Variants in SP3 observed in about 807,000 individuals in gnomAD.
The protein encoded by SP3 is Sp3 transcription factor, also known as transcription factor Sp3.
SP3 carries 10 observed loss-of-function variants against 70.3 expected under a neutral mutation model. The observed-to-expected ratio is 0.14, with a 90% CI of 0.09 to 0.24. The LOEUF (loss-of-function observed/expected upper bound fraction) is 0.24. SP3 is among the 10% of genes least tolerant of loss of function. The pLI is 1.00. For missense variants in SP3, 825 were observed against 914.6 expected (o/e 0.90, Z 1.26); for synonymous variants, 402 against 333.5 (o/e 1.21, Z -2.24).
chr2:173,943,865 T>C (rs1421033525), intron 4 of SP3, among the ~76,000 whole-genome samples: 1 of 152,252 alleles, frequency 6.6e-6, no homozygotes, highest in South Asian at 2.1e-4. Context: ...CAGTCTTTCT[T>C]ACACAAACCT....
chr2:173,944,332 G>C (rs189810694), intron 4 of SP3, among the ~76,000 whole-genome samples: 12 of 152,258 alleles, frequency 7.9e-5, no homozygotes, highest in Non-Finnish European at 1.5e-4. Flanking sequence ...TCAGGAGTTC[G>C]AGGCCACCCT....
intron 6 of SP3, 28 bp from the exon 7 acceptor site, chr2:173,910,285 G>GTT (rs758379337): frequency 6.2e-7 from 1 of 1,603,124 alleles, no homozygotes; most frequent in Admixed American, 1.7e-5. Context: ...AAGTTACTTG[G>GTT]TTTTAAAAAT....
At chr2:173,913,346 T>C in intron 5 of SP3, 80 bp from the exon 6 acceptor site, 1 of 1,048,202 alleles carries the variant, frequency 9.5e-7, no homozygotes. Context: ...TATATCCCCA[T>C]GTTGAATTTT....
intron 4 of SP3, among the ~76,000 whole-genome samples, chr2:173,944,610 CT>C (rs1489312793): frequency 2.0e-5 from 3 of 152,182 alleles, no homozygotes; most frequent in Non-Finnish European, 2.9e-5. Flanking sequence ...TAATAAAGTT[CT>C]TCTCTTGGAA....
chr2:173,942,066 C>T (rs1016972267), intron 4 of SP3, among the ~76,000 whole-genome samples: 4 of 152,156 alleles, frequency 2.6e-5, no homozygotes, highest in African/African-American at 4.8e-5. Flanking sequence ...ATATGATTTC[C>T]CAAGTTCTTC....
At chr2:173,932,827 C>A (rs962826277) in intron 4 of SP3, among the ~76,000 whole-genome samples, 1 of 152,018 alleles carries the variant, frequency 6.6e-6, no homozygotes, top group Non-Finnish European at 1.5e-5. Context: ...CCCGTCTCTA[C>A]TAAAAATACA....
chr2:173,955,343 G>A lies in SP3; in HGVS notation c.1169C>T (p.Thr390Ile), dbSNP rs761339716. The A allele has an allele frequency of 2.5e-6, 4 of 1,614,030 alleles. No individual in the cohort carries two copies. The highest frequency in any genetic ancestry group is 3.4e-6 in the Non-Finnish European group (4 of 1,180,006). Reference sequence around the variant, plus strand: ...TAGATGCTGTACAACAGGCTGTGCTGTAGAAACCTGAATATTCTGTGCCTG... The same window carrying A: ...TAGATGCTGTACAACAGGCTGTGCTATAGAAACCTGAATATTCTGTGCCTG... Reference protein sequence around the residue: ...ETQAQNIQVSTAQPVVQHLQL... With the variant: ...ETQAQNIQVSIAQPVVQHLQL... The change falls in exon 4 of 7, where the codon ACA (threonine) becomes ATA (isoleucine). Residue 390 changes from threonine (T) to isoleucine (I), a missense_variant. By Grantham distance (89) the Thr-to-Ile change is moderately conservative (BLOSUM62 -1). This residue lies in a region of SP3 where 678 missense variants were observed against 651.6 expected (regional missense o/e 1.04). Coordinates refer to ENST00000310015, the MANE Select transcript of SP3 (RefSeq NM_003111.5).
In SP3 at chr2:173,950,153, G is replaced by C. The variant is rs1212355522; in HGVS notation, c.1639+4720C>G. On this transcript the variant is annotated intron_variant, in intron 4 of 6. Transcript: ENST00000310015. ...GGCGCCTGATGTTTCCAGGAAGATG[G>C]AGATTTGCCTTCTAAAGGATAAGGA... is the stretch of plus-strand genomic sequence containing the variant. Among the ~76,000 whole-genome samples, 4 of 152,092 alleles carry C rather than the reference G, an allele frequency of 2.6e-5. No homozygotes were observed. The East Asian group carries it at 7.7e-4, about 29-fold the overall frequency.
chr2:173,942,858 GTTT>G (rs576944598), intron 4 of SP3, among the ~76,000 whole-genome samples: 1 of 151,962 alleles, frequency 6.6e-6, no homozygotes, highest in Non-Finnish European at 1.5e-5. Flanking sequence ...AATCAAAAAT[GTTT>G]TTTTAAAAAC....
intron 6 of SP3, 48 bp from the exon 7 acceptor site, chr2:173,910,305 A>G (rs759399900): frequency 3.3e-6 from 5 of 1,530,682 alleles, no homozygotes; most frequent in Non-Finnish European, 4.5e-6. Flanking sequence ...TTCAACTTTA[A>G]TAGCTCAATC....
At chr2:173,950,558 A>G (rs1690681769) in intron 4 of SP3, among the ~76,000 whole-genome samples, 1 of 151,820 alleles carries the variant, frequency 6.6e-6, no homozygotes, top group Admixed American at 6.6e-5. Context: ...GCTAGCCTGT[A>G]GTTCTACACA....
intron 4 of SP3, among the ~76,000 whole-genome samples, chr2:173,950,956 G>A (rs1171845688): frequency 6.6e-6 from 1 of 151,954 alleles, no homozygotes; most frequent in Non-Finnish European, 1.5e-5. Flanking sequence ...TTAAAATCAG[G>A]ACAAAATTCA....
intron 1 of SP3, 24 bp from the exon 2 acceptor site, chr2:173,964,577 G>A (rs769841983): frequency 7.5e-6 from 5 of 669,662 alleles, no homozygotes; most frequent in South Asian, 1.5e-5. Flanking sequence ...GCGGGGGGGT[G>A]GGGGTGGGGA....
chr2:173,933,638 T>A (rs1435660674), intron 4 of SP3, among the ~76,000 whole-genome samples: 9 of 86,560 alleles, frequency 1.0e-4, no homozygotes, highest in African/African-American at 1.7e-4. Flanking sequence ...TTATAAAACT[T>A]TATATATATA....
At chr2:173,964,976 G>A (rs998387321) in intron 1 of SP3, 189 bp downstream of exon 1, 138 of 698,446 alleles carry the variant, frequency 2.0e-4, no homozygotes, top group Non-Finnish European at 1.0e-4. Context: ...GGCGTTGCTG[G>A]GGCTTCGGGG....
At chr2:173,943,610 C>G (rs1038803618) in intron 4 of SP3, among the ~76,000 whole-genome samples, 1 of 152,160 alleles carries the variant, frequency 6.6e-6, no homozygotes, top group African/African-American at 2.4e-5. Context: ...GAATTAAAGG[C>G]ATGAACCACT....
intron 4 of SP3, among the ~76,000 whole-genome samples, chr2:173,921,344 G>A (rs181889488): frequency 2.0e-5 from 3 of 152,260 alleles, no homozygotes; most frequent in Non-Finnish European, 2.9e-5. Context: ...GTATGGCTAC[G>A]ATGTGCCAGT....
intron 3 of SP3, among the ~76,000 whole-genome samples, chr2:173,960,829 A>G (rs1574428378): frequency 6.6e-6 from 1 of 151,094 alleles, no homozygotes; most frequent in Non-Finnish European, 1.5e-5. Flanking sequence ...AAAAAAAATT[A>G]GCCGGGCATG....
chr2:173,936,978 A>C (rs1427999643), intron 4 of SP3, among the ~76,000 whole-genome samples: 1 of 152,124 alleles, frequency 6.6e-6, no homozygotes, highest in Non-Finnish European at 1.5e-5. Flanking sequence ...GTGACTTACT[A>C]TATTGATTTA....
Sources: allele counts gnomAD v4.1 joint callset (sites outside exome capture counted in the v4.1 genomes callset), GRCh38; gene constraint gnomAD v4.1.1; regional missense constraint gnomAD v4.1.1; transcripts MANE v1.5; gene names NCBI Gene and HGNC (gene_info 2026-07-23, HGNC 2026-07-21).